ABHD14A: variants seen among roughly 807,000 people sequenced by gnomAD.
The protein encoded by ABHD14A is abhydrolase domain containing 14A.
In ABHD14A, 19 loss-of-function variants were observed where a neutral mutation model predicts 27.0. That is an observed-to-expected ratio of 0.70 (90% confidence interval 0.49 to 1.03). The LOEUF is 1.03. ABHD14A is among the 50% of genes least tolerant of loss of function. The probability of loss-of-function intolerance (pLI) is 0.00; values close to 1 mark genes in which losing one functional copy is unlikely to be tolerated. For missense variants in ABHD14A, 311 were observed against 344.6 expected (o/e 0.90, Z 0.77); for synonymous variants, 148 against 158.8 (o/e 0.93, Z 0.51).
chr3:51,976,894 G>T (rs1700798716), intron 1 of ABHD14A, among the ~76,000 whole-genome samples: 1 of 152,178 alleles, frequency 6.6e-6, no homozygotes. Flanking sequence ...GGCCTGTCCT[G>T]TTTGAGTCCT....
chr3:51,978,260 G>T lies in ABHD14A; in HGVS notation c.283G>T (p.Val95Leu). Residue 95 changes from valine to leucine, a missense_variant and splice_region_variant, in exon 3 of 5, where the codon GTG (valine) becomes TTG (leucine). Physicochemically the swap from Val to Leu is conservative, Grantham distance 32. Coordinates refer to ENST00000273596, the MANE Select transcript of ABHD14A (RefSeq NM_015407.5). ...EVLPLNQAHR[V>L]EVVLLHGKAF... ...ACACATTCCCCTGTGTGCCTGCAGG[G>T]TGGAGGTGGTGCTGCTTCATGGAAA... The T allele has an allele frequency of 1.3e-6, 2 of 1,550,394 alleles. No homozygotes were observed. The highest frequency in any genetic ancestry group is 1.7e-6 in the Non-Finnish European group (2 of 1,145,832).
intron 3 of ABHD14A, 157 bp downstream of exon 3, chr3:51,978,531 T>C (rs1461182247): frequency 8.0e-6 from 4 of 499,062 alleles, no homozygotes; most frequent in Non-Finnish European, 1.1e-5. Context: ...ACAGTGTGAA[T>C]TCTAGGTCAT....
Position 51,977,911 on chromosome 3 carries a change from T to C in ABHD14A, c.110T>C (p.Leu37Pro). The change falls in exon 2 of 5, where the codon CTG (leucine) becomes CCG (proline). Residue 37 changes from leucine (L) to proline (P), a missense_variant. Transcript: ENST00000273596. ...TCCATGAGCCGGTCCCAGGTAGCCC[T>C]GCTGGGCCTGAGTCTGCTGCTCATG... ...QTSMSRSQVALLGLSLLLMLL... is the reference protein window; with the variant it reads ...QTSMSRSQVAPLGLSLLLMLL... 6.2e-7 allele frequency: 1 copy of C among 1,614,118 alleles called. No individual in the cohort carries two copies. Among genetic ancestry groups the C allele is most frequent in the Non-Finnish European group, 8.5e-7 (1 of 1,179,992 alleles).
rs771882727 is a variant in ABHD14A at position 51,980,433 on chromosome 3, G to A, written c.438G>A (p.Glu146=). The change falls in exon 4 of 5, where the codon GAG becomes GAA. Residue 146 remains glutamate (E), a synonymous_variant. Transcript: ENST00000273596. ...NSAPSKEAST[E]AGRAALLERA... is the part of the protein sequence containing the mutation. ...CACCTTCAAAGGAGGCAAGCACAGA[G>A]GCAGGGCGGGCAGCGCTGCTGGAGC... 2 of 1,613,266 alleles carry A rather than the reference G, an allele frequency of 1.2e-6. No homozygotes were observed. Among genetic ancestry groups the A allele is most frequent in the East Asian group, 4.5e-5 (2 of 44,884 alleles).
At chr3:51,978,219 A>G in intron 2 of ABHD14A, 40 bp from the exon 3 acceptor site, 1 of 1,537,598 alleles carries the variant, frequency 6.5e-7, no homozygotes, top group Non-Finnish European at 8.8e-7. Flanking sequence ...GGTGGGCTAC[A>G]CCAGGTTCCC....
In ABHD14A at chr3:51,977,947, A is replaced by T; in HGVS notation, c.146A>T (p.Tyr49Phe). The T allele has an allele frequency of 3.1e-6, 5 of 1,614,106 alleles. No homozygotes were observed. Among genetic ancestry groups the T allele is most frequent in the Non-Finnish European group, 4.2e-6 (5 of 1,180,034 alleles). ...AGTCTGCTGCTCATGCTCCTACTGTATGTGGGGCTGCCAGGCCCCCCTGAG... is the reference window on the plus strand; with the variant it reads ...AGTCTGCTGCTCATGCTCCTACTGTTTGTGGGGCTGCCAGGCCCCCCTGAG... ...GLSLLLMLLL[Y>F]VGLPGPPEQT... The change falls in exon 2 of 5, where the codon TAT becomes TTT. Residue 49 changes from tyrosine to phenylalanine, a missense_variant. Tyr to Phe is a conservative substitution (Grantham distance 22). Transcript: ENST00000273596.
rs740923 is a variant in ABHD14A at position 51,976,161 on chromosome 3, G to A, written c.69+957G>A. ...CAGTTAGAGACGCGCGTCTGAGGTT[G>A]TTAGTGGTCTGGAAGAAAAGAGGAA... On this transcript the variant is annotated intron_variant, in intron 1 of 4. Coordinates refer to ENST00000273596, the MANE Select transcript of ABHD14A (RefSeq NM_015407.5). 9.2e-3 allele frequency among the ~76,000 whole-genome samples: 1,390 copies of A among 151,878 alleles called. 28 individuals are homozygous for A. The highest frequency in any genetic ancestry group is 0.031 in the African/African-American group (1,292 of 41,416).
At chr3:51,975,263 C>G in intron 1 of ABHD14A, 59 bp downstream of exon 1, 1 of 1,232,212 alleles carries the variant, frequency 8.1e-7, no homozygotes, top group Non-Finnish European at 1.0e-6. Flanking sequence ...GTCTTTACCC[C>G]GCCCCTTGCC....
chr3:51,976,130 A>G (rs1488071693), intron 1 of ABHD14A, among the ~76,000 whole-genome samples: 2 of 151,844 alleles, frequency 1.3e-5, no homozygotes, highest in Non-Finnish European at 2.9e-5. Context: ...AATCTGGACT[A>G]ACGCCCAGTT....
chr3:51,978,324 T>C lies in ABHD14A; in HGVS notation c.347T>C (p.Leu116Pro). The C allele has an allele frequency of 6.4e-7, 1 of 1,551,832 alleles. No individual in the cohort carries two copies. The highest frequency in any genetic ancestry group is 8.7e-7 in the Non-Finnish European group (1 of 1,147,026). The change falls in exon 3 of 5, where the codon CTG (leucine) becomes CCG (proline). Residue 116 changes from leucine (L) to proline (P), a missense_variant. By Grantham distance (98) the Leu-to-Pro change is moderately conservative (BLOSUM62 -3). Transcript: ENST00000273596. ...NSHTWEQLGTLQLLSQRGYRA... is the reference protein window; with the variant it reads ...NSHTWEQLGTPQLLSQRGYRA... ...CACACGTGGGAGCAGCTGGGCACAC[T>C]GCAGCTACTGTCACAGAGGGGCTAC... is the stretch of plus-strand genomic sequence containing the variant.
intron 4 of ABHD14A, 100 bp from the exon 5 acceptor site, chr3:51,980,736 G>A (rs1436272211): frequency 4.5e-6 from 7 of 1,555,194 alleles, no homozygotes; most frequent in Non-Finnish European, 5.3e-6. Flanking sequence ...GACCTTGGAT[G>A]GAAGAGTTGG....
intron 3 of ABHD14A, among the ~76,000 whole-genome samples, chr3:51,980,004 C>T (rs1329049287): frequency 3.3e-5 from 5 of 151,812 alleles, no homozygotes; most frequent in African/African-American, 1.2e-4. Context: ...TCACTGCAGG[C>T]TCCGCCCCCC....
chr3:51,978,427 A>G (rs1700837626), intron 3 of ABHD14A, 53 bp downstream of exon 3: 1 of 1,424,922 alleles, frequency 7.0e-7, no homozygotes, highest in Non-Finnish European at 9.7e-7. Flanking sequence ...GCTGGGAGGC[A>G]ACTGGACCCT....
chr3:51,980,517 C>G lies in ABHD14A; in HGVS notation c.522C>G (p.Gly174=), dbSNP rs763110053. ...TGTTGGTGAGCCCCTCGCTGAGTGG[C>G]CACTATGCCCTGCCCTTCCTGATGC... The part of the protein sequence containing the change: ...NAVLVSPSLS[G]HYALPFLMRG... Residue 174 remains glycine, a synonymous_variant, in exon 4 of 5, where the codon GGC becomes GGG. Transcript: ENST00000273596. The G allele has an allele frequency of 8.1e-6, 13 of 1,614,080 alleles. No individual in the cohort carries two copies. The highest frequency in any genetic ancestry group is 1.7e-4 in the Middle Eastern group (1 of 6,056).
intron 1 of ABHD14A, among the ~76,000 whole-genome samples, chr3:51,977,350 G>A (rs371249678): frequency 3.9e-5 from 6 of 152,226 alleles, no homozygotes; most frequent in African/African-American, 1.4e-4. Context: ...AGCTCCACGG[G>A]TTCCTCCTTG....
At chr3:51,975,460 G>GGA (rs1559774053) in intron 1 of ABHD14A, among the ~76,000 whole-genome samples, 1 of 144,216 alleles carries the variant, frequency 6.9e-6, no homozygotes, top group African/African-American at 2.5e-5. Flanking sequence ...ATTTTTGGGG[G>GGA]GGGGGTGTGT....
Position 51,980,917 on chromosome 3 carries a change from C to G in ABHD14A, c.715C>G (p.His239Asp), listed in dbSNP as rs1347429038. The G allele has an allele frequency of 6.2e-7, 1 of 1,614,204 alleles. No individual in the cohort carries two copies. The highest frequency in any genetic ancestry group is 2.2e-5 in the East Asian group (1 of 44,888). Residue 239 changes from histidine to aspartate, a missense_variant, in exon 5 of 5, where the codon CAC becomes GAC. His to Asp is a moderately conservative substitution (Grantham distance 81). Coordinates refer to ENST00000273596, the MANE Select transcript of ABHD14A (RefSeq NM_015407.5). ...SLRQLRHLPN[H>D]SVVKLRNAGH... Reference sequence around the variant, plus strand: ...GCGGCAGCTCCGCCACCTGCCCAACCACTCTGTGGTGAAGCTACGCAATGC... The same window carrying G: ...GCGGCAGCTCCGCCACCTGCCCAACGACTCTGTGGTGAAGCTACGCAATGC...
In ABHD14A at chr3:51,975,072, G is replaced by A. The variant is rs766711001; in HGVS notation, c.-64G>A. On this transcript the variant is annotated 5_prime_UTR_variant, in exon 1 of 5. Transcript: ENST00000273596. ...CCGCGGCTGCGGAGTGCGCAGGCGCGCCGAGATGGCCGCGCTCCTGGCCGC... is the reference window on the plus strand; with the variant it reads ...CCGCGGCTGCGGAGTGCGCAGGCGCACCGAGATGGCCGCGCTCCTGGCCGC... The A allele has an allele frequency of 6.5e-5, 82 of 1,268,614 alleles. No individual in the cohort carries two copies. The Admixed American group carries it at 3.3e-3, about 51-fold the overall frequency. 78.6% of individuals were successfully genotyped at this position (1,268,614 alleles called of 1,614,324 possible). A position where few individuals can be genotyped will look rare whatever the true frequency, so the allele number is the denominator to read the frequency against.
At chr3:51,975,663 C>T (rs905214232) in intron 1 of ABHD14A, among the ~76,000 whole-genome samples, 1 of 151,856 alleles carries the variant, frequency 6.6e-6, no homozygotes, top group East Asian at 1.9e-4. Flanking sequence ...TGTGTATGAC[C>T]GTGCTTGAGT....
Sources: allele counts gnomAD v4.1 joint callset (sites outside exome capture counted in the v4.1 genomes callset), GRCh38; gene constraint gnomAD v4.1.1; transcripts MANE v1.5; gene names NCBI Gene and HGNC (gene_info 2026-07-23, HGNC 2026-07-21).